MSRA: variants seen among roughly 807,000 people sequenced by gnomAD.
MSRA encodes the protein methionine sulfoxide reductase A, also known as mitochondrial peptide methionine sulfoxide reductase.
MSRA carries 54 observed loss-of-function variants against 31.3 expected under a neutral mutation model. The observed-to-expected ratio is 1.73, with a 90% CI of 1.39 to 2.17. MSRA has a LOEUF of 2.17. Among genes scored for constraint, MSRA ranks in the 30% most tolerant of loss-of-function variants. MSRA has a pLI of 0.00. For synonymous variants in MSRA, 169 were observed against 116.5 expected (o/e 1.45, Z -2.90); for missense variants, 507 against 300.9 (o/e 1.69, Z -5.07).
chr8:10,250,496 A>T (rs1797858642), intron 3 of MSRA: 3 of 701,526 alleles, frequency 4.3e-6, no homozygotes, highest in Non-Finnish European at 5.2e-6. Context: ...GTGGCACTGA[A>T]TCCAGAAGCA....
intron 4 of MSRA, among the ~76,000 whole-genome samples, chr8:10,308,352 G>C (rs1801252329): frequency 6.6e-6 from 1 of 152,048 alleles, no homozygotes; most frequent in Admixed American, 6.5e-5. Flanking sequence ...TGGACCCTGG[G>C]GTCAGAGATG....
intron 3 of MSRA, among the ~76,000 whole-genome samples, chr8:10,296,248 A>G (rs1800535279): frequency 6.6e-6 from 1 of 152,332 alleles, no homozygotes; most frequent in Middle Eastern, 3.4e-3. Context: ...CAGAGATAAA[A>G]TTCAGTTTGA....
intron 1 of MSRA, among the ~76,000 whole-genome samples, chr8:10,091,365 C>T (rs1234683216): frequency 6.6e-6 from 1 of 152,112 alleles, no homozygotes; most frequent in Non-Finnish European, 1.5e-5. Flanking sequence ...ATGTGCATTG[C>T]CTCACATATT....
chr8:10,337,705 G>T (rs952202876), intron 5 of MSRA: 2 of 702,398 alleles, frequency 2.8e-6, no homozygotes, highest in Non-Finnish European at 5.2e-6. Flanking sequence ...TCCTCTCTCG[G>T]CAGCTGGTGC....
chr8:10,371,331 A>G (rs1456651660), intron 5 of MSRA, among the ~76,000 whole-genome samples: 2 of 152,052 alleles, frequency 1.3e-5, no homozygotes, highest in African/African-American at 2.4e-5. Flanking sequence ...GCGCGCTCTC[A>G]TGCTGGACAT....
intron 5 of MSRA, among the ~76,000 whole-genome samples, chr8:10,352,267 A>G (rs112578416): frequency 1.4e-4 from 21 of 152,336 alleles, no homozygotes; most frequent in African/African-American, 5.1e-4. Flanking sequence ...ATAAAAACAT[A>G]TAGATATGAA....
chr8:10,208,471 C>G (rs180711113), intron 2 of MSRA, among the ~76,000 whole-genome samples: 2 of 152,292 alleles, frequency 1.3e-5, no homozygotes, highest in African/African-American at 4.8e-5. Context: ...GTGAAGAGGT[C>G]CTTTTTAATC....
At chr8:10,419,868 G>T (rs1473859895) in intron 5 of MSRA, among the ~76,000 whole-genome samples, 2 of 152,200 alleles carry the variant, frequency 1.3e-5, no homozygotes, top group Non-Finnish European at 2.9e-5. Flanking sequence ...TTGGGCAGGA[G>T]AAAGAATGGC....
chr8:10,210,890 C>T (rs942460291), intron 2 of MSRA, among the ~76,000 whole-genome samples: 14 of 151,760 alleles, frequency 9.2e-5, no homozygotes, highest in African/African-American at 2.9e-4. Flanking sequence ...TGCATCACCA[C>T]GCTCACCTTT....
At chr8:10,198,448 T>C (rs1044471599) in intron 1 of MSRA, among the ~76,000 whole-genome samples, 1 of 152,206 alleles carries the variant, frequency 6.6e-6, no homozygotes, top group Non-Finnish European at 1.5e-5. Flanking sequence ...TAGAACTGTG[T>C]CACAAATTTA....
intron 1 of MSRA, among the ~76,000 whole-genome samples, chr8:10,103,502 G>A (rs991745146): frequency 1.1e-4 from 17 of 152,124 alleles, no homozygotes; most frequent in Non-Finnish European, 2.2e-4. Flanking sequence ...TAAGTGAAGT[G>A]GCTGTCATAA....
chr8:10,376,292 C>T (rs1585622546), intron 5 of MSRA, among the ~76,000 whole-genome samples: 1 of 152,322 alleles, frequency 6.6e-6, no homozygotes, highest in South Asian at 2.1e-4. Context: ...CTGGCTTCTA[C>T]AATGCAGCCA....
At chr8:10,268,092 T>C (rs575699049) in intron 3 of MSRA, among the ~76,000 whole-genome samples, 3 of 152,194 alleles carry the variant, frequency 2.0e-5, no homozygotes, top group Admixed American at 6.5e-5. Context: ...TCTAGTGCCA[T>C]TTCATAAGCA....
intron 1 of MSRA, among the ~76,000 whole-genome samples, chr8:10,177,413 G>T (rs1028289941): frequency 1.1e-4 from 16 of 148,988 alleles, no homozygotes; most frequent in African/African-American, 2.7e-4. Context: ...AGAGTCGATT[G>T]CTTTTTAAAA....
At chr8:10,073,802 A>G (rs916649928) in intron 1 of MSRA, among the ~76,000 whole-genome samples, 8 of 152,054 alleles carry the variant, frequency 5.3e-5, no homozygotes, top group African/African-American at 1.2e-4. Flanking sequence ...TGTTCTTTTG[A>G]TAACTTCTAT....
chr8:10,383,199 G>A (rs1051409445), intron 5 of MSRA, among the ~76,000 whole-genome samples: 1 of 152,196 alleles, frequency 6.6e-6, no homozygotes, highest in Admixed American at 6.5e-5. Context: ...AAGGCTGCAG[G>A]GGCAGAGGGC....
intron 5 of MSRA, among the ~76,000 whole-genome samples, chr8:10,408,123 G>C (rs934654655): frequency 5.9e-5 from 9 of 152,290 alleles, no homozygotes; most frequent in African/African-American, 2.2e-4. Context: ...CTGGCTCACT[G>C]TCTGGAAACA....
At chr8:10,078,185 T>C (rs1180900501) in intron 1 of MSRA, among the ~76,000 whole-genome samples, 1 of 152,244 alleles carries the variant, frequency 6.6e-6, no homozygotes, top group Non-Finnish European at 1.5e-5. Flanking sequence ...TAAAGATGTC[T>C]CTGCAGTTCT....
At chr8:10,156,550 A>G (rs1235921146) in intron 1 of MSRA, among the ~76,000 whole-genome samples, 2 of 152,166 alleles carry the variant, frequency 1.3e-5, no homozygotes, top group South Asian at 2.1e-4. Flanking sequence ...TAGGTTTGAT[A>G]TTTTTGAAAA....
Sources: allele counts gnomAD v4.1 joint callset (sites outside exome capture counted in the v4.1 genomes callset), GRCh38; gene constraint gnomAD v4.1.1; transcripts MANE v1.5; gene names NCBI Gene and HGNC (gene_info 2026-07-23, HGNC 2026-07-21).